CACNA1C: variants seen among roughly 807,000 people sequenced by gnomAD.
The protein encoded by CACNA1C is calcium voltage-gated channel subunit alpha1 C, also known as voltage-dependent L-type calcium channel subunit alpha-1C.
In CACNA1C, 30 loss-of-function variants were observed where a neutral mutation model predicts 229.0. The observed-to-expected ratio is 0.13, with a 90% CI of 0.10 to 0.18. The LOEUF is 0.18. Among genes scored for constraint, CACNA1C ranks in the 10% least tolerant of loss-of-function variants. The probability of loss-of-function intolerance (pLI) is 1.00; values close to 1 mark genes in which losing one functional copy is unlikely to be tolerated. For missense variants in CACNA1C, 1,658 were observed against 2,845.0 expected (o/e 0.58, Z 9.49); for synonymous variants, 1,114 against 1,132.5 (o/e 0.98, Z 0.33).
At position 2,639,944 on chromosome 12, in the gene CACNA1C, G is replaced by T. The variant is rs188387640; in HGVS notation, c.3912+5564G>T. Among the ~76,000 whole-genome samples, 2 of 152,300 alleles carry T rather than the reference G, an allele frequency of 1.3e-5. No individual in the cohort carries two copies. Among genetic ancestry groups the T allele is most frequent in the East Asian group, 3.9e-4 (2 of 5,172 alleles). On this transcript the variant is annotated intron_variant, in intron 30 of 46. Coordinates refer to ENST00000399655, the MANE Select transcript of CACNA1C (RefSeq NM_000719.7). The surrounding 1 kb of genome is among the most constrained non-coding windows in gnomAD (Gnocchi z 4.2). ...GAGGGGAAAGAACACTGGCCCTGGA[G>T]CTTCTGGGCACAGCTCTCAGGAGGA... is the stretch of plus-strand genomic sequence containing the variant.
intron 3 of CACNA1C, among the ~76,000 whole-genome samples, chr12:2,232,227 G>GTTTTTTTCTTT (rs2065458101): frequency 2.7e-5 from 2 of 73,576 alleles, no homozygotes; most frequent in Non-Finnish European, 5.2e-5. Flanking sequence ...GTCTTTCCTT[G>GTTTTTTTCTTT]TTTTTTTTTT....
rs59324696 is a variant in CACNA1C, at chr12:2,501,209, C to CAAAAAAAA, written c.1114-3615_1114-3608dup. Among the ~76,000 whole-genome samples the CAAAAAAAA allele has an allele frequency of 6.9e-3, 217 of 31,354 alleles. 21 individuals are homozygous for CAAAAAAAA. Among genetic ancestry groups the CAAAAAAAA allele is most frequent in the Middle Eastern group, 0.029 (1 of 34 alleles). The allele number at this position is 31,354 out of a possible 152,430, so 20.6% of individuals were successfully genotyped here. ...TGGGCGACAGAGTGAGACTCCACCT[C>CAAAAAAAA]AAAAAAAAAAAAAAAAAAAAAAAAA... On this transcript the variant is annotated intron_variant, in intron 7 of 46. Transcript: ENST00000399655.
chr12:2,567,880 GA>G, intron 13 of CACNA1C, 86 bp downstream of exon 13: 1 of 739,150 alleles, frequency 1.4e-6, no homozygotes. Flanking sequence ...GCCTGGGTGG[GA>G]GGGGGGCTGT....
intron 3 of CACNA1C, among the ~76,000 whole-genome samples, chr12:2,407,782 A>G (rs1227942156): frequency 1.3e-5 from 2 of 152,254 alleles, no homozygotes; most frequent in African/African-American, 4.8e-5. Context: ...ATTGATTTGC[A>G]TTTCCCTAAT....
chr12:2,022,174 G>A (rs1422871907), intron 1 of CACNA1C, among the ~76,000 whole-genome samples: 3 of 152,168 alleles, frequency 2.0e-5, no homozygotes, highest in Non-Finnish European at 4.4e-5. Context: ...CAGCATGAGT[G>A]AGCGTGGGTG....
At chr12:2,396,870 T>C (rs1191532252) in intron 3 of CACNA1C, among the ~76,000 whole-genome samples, 5 of 152,274 alleles carry the variant, frequency 3.3e-5, no homozygotes, top group African/African-American at 1.2e-4. Context: ...CCCAGGAATC[T>C]GGTCACTTGG....
At chr12:2,481,643 C>T (rs1467621476) in intron 5 of CACNA1C, among the ~76,000 whole-genome samples, 1 of 152,224 alleles carries the variant, frequency 6.6e-6, no homozygotes, top group Non-Finnish European at 1.5e-5. Context: ...TCCAAACTAG[C>T]GAGACTGAAT....
intron 9 of CACNA1C, among the ~76,000 whole-genome samples, chr12:2,548,650 G>A (rs989485528): frequency 2.0e-5 from 3 of 152,130 alleles, no homozygotes; most frequent in Admixed American, 6.5e-5. Flanking sequence ...CAAACATACG[G>A]TAAGTCGTGG....
chr12:2,564,915 C>T (rs2049509804), intron 11 of CACNA1C, among the ~76,000 whole-genome samples: 1 of 152,148 alleles, frequency 6.6e-6, no homozygotes, highest in South Asian at 2.1e-4. Flanking sequence ...TCCTTTCCCC[C>T]TCCCCAAGCC....
chr12:2,291,674 GT>G (rs2093529501), intron 3 of CACNA1C, among the ~76,000 whole-genome samples: 1 of 152,200 alleles, frequency 6.6e-6, no homozygotes, highest in Non-Finnish European at 1.5e-5. Context: ...AAATGGCAGC[GT>G]TTGGAAGTGC....
Position 2,346,430 on chromosome 12 carries a change from A to G in CACNA1C, c.478-102546A>G, listed in dbSNP as rs2097026053. Among the ~76,000 whole-genome samples the G allele has an allele frequency of 6.6e-6, 1 of 152,086 alleles. No individual in the cohort carries two copies. The highest frequency in any genetic ancestry group is 1.5e-5 in the Non-Finnish European group (1 of 68,022). ...TTCCACCCCCTTCCCCAGGCTTGGG[A>G]CAAGCTCACATTCCACAGGTCCTAG... is the stretch of plus-strand genomic sequence containing the variant. On this transcript the variant is annotated intron_variant, in intron 3 of 46. Coordinates refer to ENST00000399655, the MANE Select transcript of CACNA1C (RefSeq NM_000719.7). The surrounding 1 kb of genome is among the most constrained non-coding windows in gnomAD (Gnocchi z 4.4).
intron 9 of CACNA1C, among the ~76,000 whole-genome samples, chr12:2,537,186 C>A (rs139639597): frequency 1.3e-5 from 2 of 152,326 alleles, no homozygotes; most frequent in African/African-American, 4.8e-5. Flanking sequence ...GCTCTCTTAC[C>A]CTTGCTCTCC....
chr12:2,018,500 G>A (rs1372996069), intron 1 of CACNA1C, among the ~76,000 whole-genome samples: 2 of 152,176 alleles, frequency 1.3e-5, no homozygotes, highest in Non-Finnish European at 2.9e-5. Context: ...GGCTGGAGAG[G>A]GGAAGCTAGA....
intron 38 of CACNA1C, chr12:2,672,225 A>G (rs1040375908): frequency 6.6e-6 from 1 of 152,234 alleles, no homozygotes; most frequent in Non-Finnish European, 1.5e-5. Flanking sequence ...CAAGTCCAGT[A>G]CCAAGCCAAA....
rs140547845 is a variant in CACNA1C at position 2,547,073 on chromosome 12, G to A, written c.1391-2870G>A. Among the ~76,000 whole-genome samples the A allele has an allele frequency of 5.6e-3, 858 of 152,262 alleles. 5 individuals are homozygous for A. The highest frequency in any genetic ancestry group is 0.014 in the Middle Eastern group (4 of 294). On this transcript the variant is annotated intron_variant, in intron 9 of 46. Transcript: ENST00000399655. ...ACAGTTAGACTTTAGCAGTGACCCC[G>A]CTTGAGCCTGCAAAGGGCGACAGCT...
intron 3 of CACNA1C, among the ~76,000 whole-genome samples, chr12:2,308,284 A>G (rs1309468701): frequency 6.6e-6 from 1 of 152,182 alleles, no homozygotes; most frequent in Non-Finnish European, 1.5e-5. Context: ...ATGTATGAAT[A>G]TATTATATAT....
intron 18 of CACNA1C, among the ~76,000 whole-genome samples, chr12:2,591,165 A>G (rs2065127414): frequency 6.6e-6 from 1 of 152,204 alleles, no homozygotes; most frequent in Non-Finnish European, 1.5e-5. Context: ...TTGGGTCCCT[A>G]AATGCTTGAA....
chr12:2,398,020 G>A (rs1567449986), intron 3 of CACNA1C, among the ~76,000 whole-genome samples: 1 of 152,230 alleles, frequency 6.6e-6, no homozygotes, highest in African/African-American at 2.4e-5. Context: ...TCCATCACTG[G>A]CCCGAGGGCA....
intron 7 of CACNA1C, among the ~76,000 whole-genome samples, chr12:2,499,112 C>G (rs568713377): frequency 3.5e-4 from 53 of 152,260 alleles, no homozygotes; most frequent in African/African-American, 1.2e-3. Flanking sequence ...CCAGGTGGAG[C>G]CTGTTCCACA....
Sources: gnomAD v4.1 joint callset for allele counts (sites outside exome capture counted in the v4.1 genomes callset) on GRCh38, gnomAD v4.1.1 for gene constraint, Gnocchi (gnomAD v3.1) non-coding constraint, MANE v1.5 for transcripts, NCBI Gene and HGNC (gene_info 2026-07-23, HGNC 2026-07-21) for gene names.